The following BCKDK variants were observed in gnomAD, a reference collection of about 807,000 sequenced individuals.
BCKDK encodes branched chain keto acid dehydrogenase kinase, also known as branched-chain alpha-ketoacid dehydrogenase kinase.
Under a neutral mutation model 43.9 loss-of-function variants are expected in BCKDK, and 28 were observed. That is an observed-to-expected ratio of 0.64 (90% confidence interval 0.47 to 0.87). The LOEUF (loss-of-function observed/expected upper bound fraction) is 0.87, where lower values mean the gene tolerates loss of function less well. Ranked by LOEUF, BCKDK falls within the 40% of genes least tolerant of loss-of-function variation. BCKDK has a pLI of 0.00. For missense variants in BCKDK, 483 were observed against 581.4 expected (o/e 0.83, Z 1.74); for synonymous variants, 257 against 234.3 (o/e 1.10, Z -0.88).
chr16:31,116,965 G>C (rs1394187186), downstream of BCKDK, among the ~76,000 whole-genome samples: 1 of 150,196 alleles, frequency 6.7e-6, no homozygotes, highest in Admixed American at 6.6e-5. Context: ...GCCAGCGCGA[G>C]TGTGCGGCTC....
downstream of BCKDK, among the ~76,000 whole-genome samples, chr16:31,116,575 C>T (rs2057447107): frequency 1.3e-5 from 2 of 151,990 alleles, no homozygotes; most frequent in Admixed American, 1.3e-4. Context: ...CTGCTTTCCC[C>T]GCACCAACTG....
Position 31,110,223 on chromosome 16 carries a change from G to A in BCKDK, c.442G>A (p.Glu148Lys), listed in dbSNP as rs755562719. 6.2e-7 allele frequency: 1 copy of A among 1,614,092 alleles called. No individual in the cohort carries two copies. Among genetic ancestry groups the A allele is most frequent in the Non-Finnish European group, 8.5e-7 (1 of 1,180,022 alleles). ...CCTGCAGATCAAGGACCAGGCGGAC[G>A]AGGCCCAGTACTGCCAGCTGGTGCG... ...DFPPIKDQAD[E>K]AQYCQLVRQL... Residue 148 changes from glutamate to lysine, a missense_variant, in exon 6 of 12, where the codon GAG becomes AAG. Transcript: ENST00000219794. The surrounding 1 kb of genome is among the most constrained non-coding windows in gnomAD (Gnocchi z 5.4).
chr16:31,116,443 C>T (rs934456406), downstream of BCKDK, among the ~76,000 whole-genome samples: 2 of 151,546 alleles, frequency 1.3e-5, no homozygotes, highest in Non-Finnish European at 2.9e-5. Context: ...GATCTCCGCC[C>T]GCCTCGGCCT....
Position 31,109,181 on chromosome 16 carries a change from ATCCTCAG to A in BCKDK, c.-38_-32del. The stretch of plus-strand genomic sequence containing the variant: ...TCGCCTGGGTCCTCAGTCCTAGCGG[ATCCTCAG>A]TCCTAGCGGCCACCGGGTCTGAAAG... On this transcript the variant is annotated 5_prime_UTR_variant, in exon 2 of 12. Transcript: ENST00000219794. This position sits in a 1 kb window ranked among gnomAD's most constrained non-coding sequence, Gnocchi z 5.3. 2 of 1,440,596 alleles carry A rather than the reference ATCCTCAG, an allele frequency of 1.4e-6. No individual in the cohort carries two copies. Among genetic ancestry groups the A allele is most frequent in the Non-Finnish European group, 1.8e-6 (2 of 1,098,710 alleles). 89.2% of individuals were successfully genotyped at this position (1,440,596 alleles called of 1,614,324 possible).
At position 31,110,098 on chromosome 16, in the gene BCKDK, T is replaced by C. The variant is rs2057398040; in HGVS notation, c.397T>C (p.Phe133Leu). The C allele has an allele frequency of 6.2e-7, 1 of 1,614,056 alleles. No individual in the cohort carries two copies. Among genetic ancestry groups the C allele is most frequent in the African/African-American group, 1.3e-5 (1 of 74,926 alleles). ...GCAGCATGAGCTATATATCCGTGCC[T>C]TCCAGAAGCTGACAGACTTCCCTCC... is the stretch of plus-strand genomic sequence containing the variant. ...LHVHELYIRAFQKLTDFPPIK... is the reference protein window; with the variant it reads ...LHVHELYIRALQKLTDFPPIK... Residue 133 changes from phenylalanine (F) to leucine (L), a missense_variant, in exon 5 of 12, where the codon TTC becomes CTC. Transcript: ENST00000219794. This position sits in a 1 kb window ranked among gnomAD's most constrained non-coding sequence, Gnocchi z 5.4.
chr16:31,109,440 C>T lies in BCKDK; in HGVS notation c.195+22C>T. Reference sequence around the variant, plus strand: ...GAAGGTGCGCAAGGGGGCAGCCAGCCCAGGGTCCGGGATGTAGGCGGGAGG... The same window carrying T: ...GAAGGTGCGCAAGGGGGCAGCCAGCTCAGGGTCCGGGATGTAGGCGGGAGG... On this transcript the variant is annotated intron_variant, in intron 2 of 11. Transcript: ENST00000219794. The surrounding 1 kb of genome is among the most constrained non-coding windows in gnomAD (Gnocchi z 5.3). The T allele has an allele frequency of 1.2e-6, 2 of 1,612,480 alleles. No homozygotes were observed. The highest frequency in any genetic ancestry group is 2.2e-5 in the East Asian group (1 of 44,820).
chr16:31,115,256 CTT>C (rs2143951975), downstream of BCKDK, among the ~76,000 whole-genome samples: 1 of 129,856 alleles, frequency 7.7e-6, no homozygotes, highest in Non-Finnish European at 1.6e-5. Context: ...GAGTTTCACT[CTT>C]GTTGCCCAGG....
Position 31,109,111 on chromosome 16 carries a change from G to C in BCKDK, c.-113G>C. The C allele has an allele frequency of 1.1e-6, 1 of 951,386 alleles. No homozygotes were observed. The highest frequency in any genetic ancestry group is 1.5e-6 in the Non-Finnish European group (1 of 684,738). 58.9% of individuals were successfully genotyped at this position (951,386 alleles called of 1,614,324 possible). On this transcript the variant is annotated 5_prime_UTR_variant, in exon 2 of 12. Coordinates refer to ENST00000219794, the MANE Select transcript of BCKDK (RefSeq NM_005881.4). The surrounding 1 kb of genome is among the most constrained non-coding windows in gnomAD (Gnocchi z 5.3). ...TCGACGCACCCTGGTCCCTGAAGTC[G>C]GAGAAGAGCCCCTACCCACCCACAC...
chr16:31,113,992 C>G (rs2057432015), downstream of BCKDK, among the ~76,000 whole-genome samples: 2 of 152,166 alleles, frequency 1.3e-5, no homozygotes, highest in South Asian at 4.1e-4. Flanking sequence ...CTCAGAGTTA[C>G]TGATTAATTT....
At chr16:31,111,458 T>G in intron 10 of BCKDK, 69 bp downstream of exon 10, 1 of 1,535,264 alleles carries the variant, frequency 6.5e-7, no homozygotes, top group Non-Finnish European at 9.0e-7. Context: ...CTGACTTGAT[T>G]TAGGACCTTG....
Position 31,109,170 on chromosome 16 carries a change from AGTCCT to A in BCKDK, c.-53_-49del. ...CCCATTTTGGGTCGCCTGGGTCCTC[AGTCCT>A]AGCGGATCCTCAGTCCTAGCGGCCA... On this transcript the variant is annotated 5_prime_UTR_variant, in exon 2 of 12. Transcript: ENST00000219794. The surrounding 1 kb of genome is among the most constrained non-coding windows in gnomAD (Gnocchi z 5.3). The A allele has an allele frequency of 7.0e-7, 1 of 1,429,842 alleles. No homozygotes were observed. 88.6% of individuals were successfully genotyped at this position (1,429,842 alleles called of 1,614,324 possible).
In BCKDK at chr16:31,112,149, G is replaced by A. The variant is rs756189742; in HGVS notation, c.1123G>A (p.Ala375Thr). Residue 375 changes from alanine (A) to threonine (T), a missense_variant, in exon 12 of 12, where the codon GCC (alanine) becomes ACC (threonine). Physicochemically the swap from Ala to Thr is moderately conservative, Grantham distance 58. Coordinates refer to ENST00000219794, the MANE Select transcript of BCKDK (RefSeq NM_005881.4). The surrounding 1 kb of genome is among the most constrained non-coding windows in gnomAD (Gnocchi z 5.0). ...GFGFGLPTSR[A>T]YAEYLGGSLQ... ...TGGCTTCGGGTTGCCCACGTCACGGGCCTACGCGGAGTACCTCGGTGGGTC... is the reference window on the plus strand; with the variant it reads ...TGGCTTCGGGTTGCCCACGTCACGGACCTACGCGGAGTACCTCGGTGGGTC... The A allele has an allele frequency of 9.3e-6, 15 of 1,613,272 alleles. No individual in the cohort carries two copies. The highest frequency in any genetic ancestry group is 1.2e-5 in the Non-Finnish European group (14 of 1,179,816).
rs958246870 is a variant in BCKDK, at chr16:31,111,312, G to A, written c.858G>A (p.Glu286=). The A allele has an allele frequency of 6.2e-7, 1 of 1,614,172 alleles. No individual in the cohort carries two copies. Among genetic ancestry groups the A allele is most frequent in the South Asian group, 1.1e-5 (1 of 91,086 alleles). The part of the protein sequence containing the change: ...LLKNAMRATM[E]SHLDTPYNVP... ...CCCCTCTGCATAGAGCCACAATGGA[G>A]AGTCACCTAGACACTCCCTACAATG... The change falls in exon 10 of 12, where the codon GAG becomes GAA. Residue 286 remains glutamate (E), a synonymous_variant. Coordinates refer to ENST00000219794, the MANE Select transcript of BCKDK (RefSeq NM_005881.4).
chr16:31,113,059 T>C (rs1226305944), downstream of BCKDK, among the ~76,000 whole-genome samples: 10 of 152,194 alleles, frequency 6.6e-5, no homozygotes, highest in Admixed American at 5.9e-4. Flanking sequence ...GGGGCCCTGA[T>C]AGAAAGGACC....
intron 10 of BCKDK, 90 bp from the exon 11 acceptor site, chr16:31,111,769 GTGGAAGGAAC>G: frequency 6.7e-7 from 1 of 1,489,172 alleles, no homozygotes. Context: ...CCAGCTCTGG[GTGGAAGGAAC>G]AGGAAGGCAG....
rs1395140420 is a variant in BCKDK, at chr16:31,112,302, G to T, written c.*37G>T. ...TTGGCCTGCTCACCCGACCAGCCTG[G>T]GCCGCATTCCCTGCAGGACCTCCCG... On this transcript the variant is annotated 3_prime_UTR_variant, in exon 12 of 12. Transcript: ENST00000219794. This position sits in a 1 kb window ranked among gnomAD's most constrained non-coding sequence, Gnocchi z 5.0. 6.2e-7 allele frequency: 1 copy of T among 1,602,866 alleles called. No homozygotes were observed. The highest frequency in any genetic ancestry group is 1.1e-5 in the South Asian group (1 of 91,084).
chr16:31,116,566 T>C (rs576075121), downstream of BCKDK, among the ~76,000 whole-genome samples: 117 of 152,114 alleles, frequency 7.7e-4, no homozygotes, highest in African/African-American at 2.8e-3. Context: ...ACACCCGTTC[T>C]GCTTTCCCCG....
In BCKDK at chr16:31,110,025, C is replaced by T. The variant is rs1446686904; in HGVS notation, c.376-52C>T. The T allele has an allele frequency of 2.5e-6, 4 of 1,612,922 alleles. No homozygotes were observed. The East Asian group carries it at 8.9e-5, about 36-fold the overall frequency. ...CCATGGGTAGGTGGGGGTGGCTGTT[C>T]TCTGCTCAGTGCCCATGCGGCTTTG... On this transcript the variant is annotated intron_variant, in intron 4 of 11. Transcript: ENST00000219794. This position sits in a 1 kb window ranked among gnomAD's most constrained non-coding sequence, Gnocchi z 5.4.
intron 10 of BCKDK, 25 bp from the exon 11 acceptor site, chr16:31,111,844 C>T (rs201431301): frequency 6.2e-7 from 1 of 1,613,294 alleles, no homozygotes; most frequent in East Asian, 2.2e-5. Flanking sequence ...CTGAGCCAAG[C>T]CCATTGTTGT....
Sources: gnomAD v4.1 joint callset for allele counts (sites outside exome capture counted in the v4.1 genomes callset) on GRCh38, gnomAD v4.1.1 for gene constraint, Gnocchi (gnomAD v3.1) non-coding constraint, MANE v1.5 for transcripts, NCBI Gene and HGNC (gene_info 2026-07-23, HGNC 2026-07-21) for gene names.